The following NFATC3 variants were observed in gnomAD, a reference collection of about 807,000 sequenced individuals.
NFATC3 encodes nuclear factor of activated T-cells, cytoplasmic 3.
In NFATC3, 46 loss-of-function variants were observed where a neutral mutation model predicts 98.6. The observed-to-expected ratio is 0.47, with a 90% CI of 0.37 to 0.60. NFATC3 has a LOEUF of 0.60. Ranked by LOEUF, NFATC3 falls within the 20% of genes least tolerant of loss-of-function variation. NFATC3 has a pLI of 0.00. For missense variants in NFATC3, 1,256 were observed against 1,295.5 expected (o/e 0.97, Z 0.47); for synonymous variants, 512 against 472.2 (o/e 1.08, Z -1.09).
At chr16:68,164,483 C>T (rs182436364) in intron 4 of NFATC3, among the ~76,000 whole-genome samples, 1 of 152,304 alleles carries the variant, frequency 6.6e-6, no homozygotes, top group Non-Finnish European at 1.5e-5. Flanking sequence ...CACAGAGCTA[C>T]CCTACAAGAT....
rs2042052848 is a variant in NFATC3 at position 68,226,939 on chromosome 16, GAAAAAAAGA to G, written c.*473_*481del. On this transcript the variant is annotated 3_prime_UTR_variant, in exon 10 of 10. Transcript: ENST00000346183. ...AAAAAAAAAAGAAAAAAAAAGAAAAGAAAAAAAGAAAAAGAAAAAAATATCCCAAGCCCA... is the reference window on the plus strand; with the variant it reads ...AAAAAAAAAAGAAAAAAAAAGAAAAGAAAAGAAAAAAATATCCCAAGCCCA... The G allele has an allele frequency of 3.7e-5, 3 of 80,096 alleles. No individual in the cohort carries two copies. The allele number at this position is 80,096 out of a possible 1,614,324, so 5.0% of individuals were successfully genotyped here.
intron 9 of NFATC3, among the ~76,000 whole-genome samples, chr16:68,214,132 T>C (rs900270244): frequency 2.6e-5 from 4 of 152,226 alleles, no homozygotes; most frequent in African/African-American, 9.6e-5. Flanking sequence ...AGAATCATCT[T>C]AGTACCTGAG....
At chr16:68,167,137 T>G in intron 5 of NFATC3, 122 bp downstream of exon 5, 1 of 984,440 alleles carries the variant, frequency 1.0e-6, no homozygotes, top group Non-Finnish European at 1.5e-6. Context: ...GTTGCTGGTT[T>G]GATTTTCTCA....
At chr16:68,146,318 G>T (rs894951576) in intron 3 of NFATC3, among the ~76,000 whole-genome samples, 1 of 151,754 alleles carries the variant, frequency 6.6e-6, no homozygotes, top group Non-Finnish European at 1.5e-5. Context: ...TGTAATCCCA[G>T]TTACTTGGGA....
chr16:68,169,159 A>G (rs1371574378), intron 5 of NFATC3, among the ~76,000 whole-genome samples: 7 of 152,214 alleles, frequency 4.6e-5, no homozygotes, highest in African/African-American at 1.4e-4. Flanking sequence ...ATAAATTTCC[A>G]AGTCAACCAG....
chr16:68,099,995 A>G (rs1339779169), intron 1 of NFATC3, among the ~76,000 whole-genome samples: 1 of 152,012 alleles, frequency 6.6e-6, no homozygotes, highest in African/African-American at 2.4e-5. Flanking sequence ...TTTGAGGTTG[A>G]CTTTTTCTTC....
intron 3 of NFATC3, among the ~76,000 whole-genome samples, chr16:68,155,028 G>T (rs981681033): frequency 6.6e-6 from 1 of 152,198 alleles, no homozygotes; most frequent in Non-Finnish European, 1.5e-5. Context: ...GGCTTTAATT[G>T]CTTCTTTATA....
intron 8 of NFATC3, among the ~76,000 whole-genome samples, chr16:68,188,928 G>A (rs1247270528): frequency 6.6e-6 from 1 of 151,926 alleles, no homozygotes; most frequent in African/African-American, 2.4e-5. Flanking sequence ...GGCTGGTCTC[G>A]AATTCCTGAC....
chr16:68,099,205 C>T (rs1022858390), intron 1 of NFATC3, among the ~76,000 whole-genome samples: 6 of 152,022 alleles, frequency 3.9e-5, no homozygotes, highest in East Asian at 1.9e-4. Flanking sequence ...AGGCTGAGGC[C>T]GGTGGATCAC....
intron 3 of NFATC3, among the ~76,000 whole-genome samples, chr16:68,137,129 A>T (rs1308727348): frequency 6.6e-6 from 1 of 152,122 alleles, no homozygotes; most frequent in Non-Finnish European, 1.5e-5. Flanking sequence ...TCGCTTTATA[A>T]GTTGTGAATT....
At chr16:68,096,122 A>C (rs2035005973) in intron 1 of NFATC3, among the ~76,000 whole-genome samples, 1 of 152,104 alleles carries the variant, frequency 6.6e-6, no homozygotes, top group Admixed American at 6.6e-5. Context: ...CACCATGCCC[A>C]GCTAATTTTT....
chr16:68,216,504 A>G (rs969748898), intron 9 of NFATC3, among the ~76,000 whole-genome samples: 5 of 152,056 alleles, frequency 3.3e-5, no homozygotes, highest in Non-Finnish European at 7.4e-5. Flanking sequence ...TATGACGTTG[A>G]TTATAGCATC....
At chr16:68,098,293 TATTA>T (rs1303000896) in intron 1 of NFATC3, among the ~76,000 whole-genome samples, 1 of 123,602 alleles carries the variant, frequency 8.1e-6, no homozygotes, top group Non-Finnish European at 1.6e-5. Flanking sequence ...TTATTATTAT[TATTA>T]TTATTTTTTT....
chr16:68,092,775 A>T (rs773824760), intron 1 of NFATC3, among the ~76,000 whole-genome samples: 63 of 152,156 alleles, frequency 4.1e-4, no homozygotes, highest in Non-Finnish European at 7.8e-4. Flanking sequence ...TATTATTCAA[A>T]CCATATTTCC....
chr16:68,177,913 T>C (rs1263962045), intron 6 of NFATC3, among the ~76,000 whole-genome samples: 2 of 152,140 alleles, frequency 1.3e-5, no homozygotes, highest in East Asian at 1.9e-4. Flanking sequence ...TTTCACTTCA[T>C]TGAAATCATA....
intron 9 of NFATC3, chr16:68,221,724 T>A: frequency 2.0e-6 from 1 of 501,004 alleles, no homozygotes; most frequent in Non-Finnish European, 2.6e-6. Context: ...TTTAACATAG[T>A]CTTAAAATCC....
At position 68,122,087 on chromosome 16, in the gene NFATC3, G is replaced by A. The variant is rs142532696; in HGVS notation, c.204G>A (p.Pro68=). The A allele has an allele frequency of 6.6e-5, 107 of 1,613,310 alleles. No individual in the cohort carries two copies. The African/African-American group carries it at 1.0e-3, about 16-fold the overall frequency. ...TPLCLPHHGL[P]SHSSVLSPSF... is the part of the protein sequence containing the mutation. ...TTTGCTTACCACATCATGGATTACC[G>A]TCTCACTCTTCTGTTTTGTCACCAT... Residue 68 remains proline, a synonymous_variant, in exon 2 of 10, where the codon CCG becomes CCA. Transcript: ENST00000346183.
chr16:68,123,215 G>T, intron 2 of NFATC3, 94 bp downstream of exon 2: 4 of 1,284,338 alleles, frequency 3.1e-6, no homozygotes, highest in South Asian at 4.1e-5. Context: ...GTTATATAAT[G>T]GTTTGACCAT....
At chr16:68,152,086 G>GGCC (rs2038358570) in intron 3 of NFATC3, among the ~76,000 whole-genome samples, 1 of 150,762 alleles carries the variant, frequency 6.6e-6, no homozygotes, top group Non-Finnish European at 1.5e-5. Context: ...AAAAAGGCTG[G>GGCC]GTGCAGTGGC....
Sources: gnomAD v4.1 joint callset for allele counts (sites outside exome capture counted in the v4.1 genomes callset) on GRCh38, gnomAD v4.1.1 for gene constraint, MANE v1.5 for transcripts, NCBI Gene and HGNC (gene_info 2026-07-23, HGNC 2026-07-21) for gene names.